Variants in DNAI7 observed in about 807,000 individuals in gnomAD.
The protein encoded by DNAI7 is cancer susceptibility 1.
Under a neutral mutation model 86.6 loss-of-function variants are expected in DNAI7, and 78 were observed. The observed-to-expected ratio is 0.90, with a 90% CI of 0.75 to 1.09. The LOEUF is 1.09. Ranked by LOEUF, DNAI7 falls within the 50% of genes least tolerant of loss-of-function variation. The probability of loss-of-function intolerance (pLI) is 0.00; values close to 1 mark genes in which losing one functional copy is unlikely to be tolerated. For synonymous variants in DNAI7, 274 were observed against 273.0 expected (o/e 1.00, Z -0.04); for missense variants, 753 against 810.2 (o/e 0.93, Z 0.86).
At chr12:25,187,123 C>T (rs1046685840) in intron 2 of DNAI7, among the ~76,000 whole-genome samples, 3 of 152,198 alleles carry the variant, frequency 2.0e-5, no homozygotes, top group Non-Finnish European at 4.4e-5. Flanking sequence ...AAATACTTTA[C>T]CATGGCTTAC....
intron 2 of DNAI7, among the ~76,000 whole-genome samples, chr12:25,168,032 C>T (rs527872167): frequency 4.6e-5 from 7 of 152,290 alleles, no homozygotes; most frequent in South Asian, 2.1e-4. Context: ...AGACACTCGA[C>T]GTTTTCTCAC....
rs1376009076 is a variant in DNAI7 at position 25,144,557 on chromosome 12, G to T, written c.810C>A (p.His270Gln). ...HTHYDHVSAL[H>Q]PVSTPSKEYT... ...ATTCTTTTGATGGTGTTGAAACAGG[G>T]TGCAGTGCAGAAACATGATCATAGT... Residue 270 changes from histidine to glutamine, a missense_variant, in exon 9 of 16, where the codon CAC becomes CAA. Coordinates refer to ENST00000395987, the MANE Select transcript of DNAI7 (RefSeq NM_018272.5). 1.2e-6 allele frequency: 2 copies of T among 1,614,050 alleles called. No homozygotes were observed. The highest frequency in any genetic ancestry group is 1.7e-6 in the Non-Finnish European group (2 of 1,179,980).
intron 2 of DNAI7, among the ~76,000 whole-genome samples, chr12:25,175,503 C>T (rs1367516723): frequency 6.6e-6 from 1 of 152,014 alleles, no homozygotes; most frequent in African/African-American, 2.4e-5. Flanking sequence ...CCTGCCGCCA[C>T]TCCAGGCTAA....
intron 14 of DNAI7, 47 bp from the exon 15 acceptor site, chr12:25,110,287 A>G (rs199606374): frequency 9.1e-7 from 1 of 1,094,744 alleles, no homozygotes; most frequent in East Asian, 2.3e-5. Context: ...CCTCCCAACA[A>G]GTCTTCCTCC....
intron 9 of DNAI7, among the ~76,000 whole-genome samples, chr12:25,131,876 G>C (rs1942970063): frequency 6.6e-6 from 1 of 152,020 alleles, no homozygotes; most frequent in South Asian, 2.1e-4. Context: ...TAAATATGAA[G>C]TCTCTCAAGA....
intron 1 of DNAI7, among the ~76,000 whole-genome samples, chr12:25,191,824 CAA>C (rs1055609361): frequency 1.3e-5 from 2 of 152,022 alleles, no homozygotes; most frequent in African/African-American, 2.4e-5. Context: ...CACAGGATTT[CAA>C]AAAAGACTCA....
intron 12 of DNAI7, among the ~76,000 whole-genome samples, chr12:25,116,087 T>TC (rs1200491016): frequency 1.2e-3 from 185 of 150,292 alleles, no homozygotes; most frequent in East Asian, 4.5e-3. Flanking sequence ...TTTCTTTCTT[T>TC]TTTTTTTTTT....
intron 2 of DNAI7, among the ~76,000 whole-genome samples, chr12:25,178,286 T>C (rs1949154552): frequency 6.6e-6 from 1 of 152,198 alleles, no homozygotes; most frequent in Non-Finnish European, 1.5e-5. Flanking sequence ...CTTAAATGAT[T>C]ATAGGACTAT....
chr12:25,111,588 A>C (rs1460584017), intron 14 of DNAI7, among the ~76,000 whole-genome samples, 184 bp downstream of exon 14: 1 of 152,194 alleles, frequency 6.6e-6, no homozygotes, highest in Non-Finnish European at 1.5e-5. Context: ...ATCGCACTAC[A>C]GGCTTACTTT....
In DNAI7 at chr12:25,190,641, G is replaced by A; in HGVS notation, c.4-10C>T. 1 of 1,400,536 alleles carries A rather than the reference G, an allele frequency of 7.1e-7. No individual in the cohort carries two copies. Among genetic ancestry groups the A allele is most frequent in the Non-Finnish European group, 9.7e-7 (1 of 1,026,846 alleles). The allele number at this position is 1,400,536 out of a possible 1,614,324, so 86.8% of individuals were successfully genotyped here. A position where few individuals can be genotyped will look rare whatever the true frequency, so the allele number is the denominator to read the frequency against. On this transcript the variant is annotated splice_polypyrimidine_tract_variant and intron_variant, in intron 1 of 15. Transcript: ENST00000395987. Reference sequence around the variant, plus strand: ...TTTTTGCTTTGGGACCCTAAAAGTTGGAAAACAAAAGAATTGATCAATTTT... The same window carrying A: ...TTTTTGCTTTGGGACCCTAAAAGTTAGAAAACAAAAGAATTGATCAATTTT...
intron 12 of DNAI7, 88 bp from the exon 13 acceptor site, chr12:25,114,958 G>A (rs1225231257): frequency 1.0e-6 from 1 of 964,126 alleles, no homozygotes; most frequent in African/African-American, 1.7e-5. Flanking sequence ...ATTGCTTTGT[G>A]TATAAATTGA....
intron 2 of DNAI7, among the ~76,000 whole-genome samples, chr12:25,182,745 T>C (rs916907888): frequency 2.0e-5 from 3 of 150,556 alleles, no homozygotes; most frequent in Non-Finnish European, 4.4e-5. Flanking sequence ...CAACATAGAA[T>C]GATCTCATCT....
chr12:25,138,126 C>A (rs777992960), intron 9 of DNAI7, among the ~76,000 whole-genome samples: 4 of 152,216 alleles, frequency 2.6e-5, no homozygotes, highest in Non-Finnish European at 5.9e-5. Context: ...GAACATTATC[C>A]AAGATATACC....
intron 6 of DNAI7, among the ~76,000 whole-genome samples, chr12:25,153,068 A>G (rs546461638): frequency 6.6e-6 from 1 of 151,506 alleles, no homozygotes; most frequent in East Asian, 1.9e-4. Flanking sequence ...GCTCTTTCAT[A>G]TTTTCTATCT....
intron 12 of DNAI7, 106 bp downstream of exon 12, chr12:25,119,039 G>GA: frequency 1.1e-6 from 1 of 870,416 alleles, no homozygotes; most frequent in Non-Finnish European, 1.7e-6. Context: ...AATTGGCATA[G>GA]AAATATGTAA....
intron 2 of DNAI7, among the ~76,000 whole-genome samples, chr12:25,173,156 C>T (rs756232311): frequency 1.3e-5 from 2 of 152,090 alleles, no homozygotes; most frequent in Non-Finnish European, 2.9e-5. Context: ...GCAGAGTAAA[C>T]AGACAACCCA....
Position 25,176,066 on chromosome 12 carries a change from C to T in DNAI7, c.21+14548G>A, listed in dbSNP as rs536724982. ...CTGCACTCCAGCCTAGATGACAGAGCGAGACTCCATCTCAGAAAAAGGGAT... is the reference window on the plus strand; with the variant it reads ...CTGCACTCCAGCCTAGATGACAGAGTGAGACTCCATCTCAGAAAAAGGGAT... On this transcript the variant is annotated intron_variant, in intron 2 of 15. Transcript: ENST00000395987. Among the ~76,000 whole-genome samples, 17 of 151,902 alleles carry T rather than the reference C, an allele frequency of 1.1e-4. 1 individual carries two copies. The East Asian group carries it at 1.6e-3, about 14-fold the overall frequency.
chr12:25,191,242 G>A (rs1950487535), intron 1 of DNAI7, among the ~76,000 whole-genome samples: 1 of 152,018 alleles, frequency 6.6e-6, no homozygotes, highest in African/African-American at 2.4e-5. Flanking sequence ...GGAAGACCCC[G>A]TCTCTACAAA....
intron 9 of DNAI7, among the ~76,000 whole-genome samples, chr12:25,124,061 T>TGTGTGTGTGTGTGC (rs1045679130): frequency 2.0e-5 from 3 of 151,404 alleles, no homozygotes; most frequent in Admixed American, 6.6e-5. Context: ...TGTGTGTGTG[T>TGTGTGTGTGTGTGC]GCTAATACTT....
Sources: allele counts gnomAD v4.1 joint callset (sites outside exome capture counted in the v4.1 genomes callset), GRCh38; gene constraint gnomAD v4.1.1; transcripts MANE v1.5; gene names NCBI Gene and HGNC (gene_info 2026-07-23, HGNC 2026-07-21).